The following FAM240C variants were observed in gnomAD, a reference collection of about 807,000 sequenced individuals.
FAM240C encodes protein FAM240C.
In FAM240C, 14 loss-of-function variants were observed where a neutral mutation model predicts 10.0. The observed-to-expected ratio is 1.40, with a 90% confidence interval of 0.92 to 2.19. The LOEUF is 2.19. FAM240C is among the 30% of genes most tolerant of loss of function. The pLI is 0.00. For missense variants in FAM240C, 154 were observed against 122.3 expected (o/e 1.26, Z -1.22); for synonymous variants, 49 against 44.3 (o/e 1.11, Z -0.42).
chr2:241,901,301 C>G (rs929568662), upstream of FAM240C, among the ~76,000 whole-genome samples: 3 of 152,172 alleles, frequency 2.0e-5, no homozygotes, highest in African/African-American at 7.2e-5. The surrounding 1 kb of genome is among the most constrained non-coding windows in gnomAD (Gnocchi z 4.9). Context: ...CCTCAGGGAG[C>G]CGGCAGCAGG....
At position 241,896,432 on chromosome 2, in the gene FAM240C, C is replaced by T. The variant is rs530776234; in HGVS notation, c.161+754G>A. On this transcript the variant is annotated intron_variant, in intron 2 of 2. Coordinates refer to ENST00000404031, the MANE Select transcript of FAM240C (RefSeq NM_001382368.1). ...AAAAACAAGCCAGAGAAAGACATTT[C>T]CTCCTGGAAAAGTTCCTGTGATCCT... Among the ~76,000 whole-genome samples, 13 of 149,638 alleles carry T rather than the reference C, an allele frequency of 8.7e-5. No individual in the cohort carries two copies. The South Asian group carries it at 2.6e-3, about 30-fold the overall frequency.
At chr2:241,899,220 G>C in intron 1 of FAM240C, 1 of 1,303,766 alleles carries the variant, frequency 7.7e-7, no homozygotes, top group Non-Finnish European at 1.0e-6. Context: ...CCCTGGCTGG[G>C]GGCTTCCAGC....
At chr2:241,894,805 C>T (rs1172181633) in intron 2 of FAM240C, among the ~76,000 whole-genome samples, 1 of 152,222 alleles carries the variant, frequency 6.6e-6, no homozygotes, top group Non-Finnish European at 1.5e-5. Context: ...TCCCTGCACC[C>T]TGCCCGGCTG....
intron 2 of FAM240C, among the ~76,000 whole-genome samples, chr2:241,895,477 A>G (rs529747645): frequency 6.6e-6 from 1 of 152,334 alleles, no homozygotes; most frequent in Admixed American, 6.5e-5. Context: ...CACATGGGCC[A>G]GCTCCTCTCT....
chr2:241,897,432 C>T, intron 1 of FAM240C, 98 bp from the exon 2 acceptor site: 1 of 1,408,776 alleles, frequency 7.1e-7, no homozygotes, highest in Non-Finnish European at 9.6e-7. Context: ...GCTGGCTCAG[C>T]CTGCAGCATC....
intron 2 of FAM240C, among the ~76,000 whole-genome samples, chr2:241,896,503 G>GGGGTGTGGGTGTTGGGGTGTGGGTGAA (rs1553629152): frequency 3.5e-5 from 1 of 28,582 alleles, no homozygotes; most frequent in African/African-American, 1.5e-4. Flanking sequence ...TGTGGGTGAA[G>GGGGTGTGGGTGTTGGGGTGTGGGTGAA]GGGGTGTGGG....
intron 1 of FAM240C, among the ~76,000 whole-genome samples, chr2:241,897,973 A>G (rs1032630122): frequency 1.3e-5 from 2 of 152,118 alleles, no homozygotes; most frequent in Admixed American, 1.3e-4. Context: ...GGGCTCAAGC[A>G]GTCTTCCTGG....
At position 241,897,295 on chromosome 2, in the gene FAM240C, C is replaced by G; in HGVS notation, c.52G>C (p.Val18Leu). 1.3e-6 allele frequency: 2 copies of G among 1,549,812 alleles called. No individual in the cohort carries two copies. The highest frequency in any genetic ancestry group is 1.7e-6 in the Non-Finnish European group (2 of 1,146,508). The stretch of plus-strand genomic sequence containing the variant: ...TTTATCCCGCCTGAATCGTATGCTA[C>G]TCTTCCAGGATTCTTAAGAGTGAGG... ...KSLTLKNPGR[V>L]AYDSGGIKMF... is the part of the protein sequence containing the mutation. The change falls in exon 2 of 3, where the codon GTA becomes CTA. Residue 18 changes from valine to leucine, a missense_variant. Val to Leu is a conservative substitution (Grantham distance 32, BLOSUM62 1). Transcript: ENST00000404031.
intron 2 of FAM240C, 49 bp from the exon 3 acceptor site, chr2:241,894,388 T>G (rs1701736394): frequency 1.3e-6 from 2 of 1,512,176 alleles, no homozygotes; most frequent in African/African-American, 1.4e-5. Context: ...TCTCGGAACT[T>G]AGTGACGGCC....
chr2:241,897,380 C>T (rs1701877182), intron 1 of FAM240C, 46 bp from the exon 2 acceptor site: 6 of 1,534,782 alleles, frequency 3.9e-6, no homozygotes, highest in Non-Finnish European at 4.4e-6. Context: ...TTATGCCATT[C>T]CCATTGACGA....
intron 2 of FAM240C, among the ~76,000 whole-genome samples, chr2:241,896,870 G>T (rs80144387): frequency 0.1 from 12,810 of 122,122 alleles, 1,809 homozygotes; most frequent in African/African-American, 0.28. Context: ...TGTGGGGGTG[G>T]GGGTGAATTG....
intron 2 of FAM240C, among the ~76,000 whole-genome samples, 172 bp from the exon 3 acceptor site, chr2:241,894,511 G>A (rs1053945026): frequency 6.8e-6 from 1 of 147,120 alleles, no homozygotes; most frequent in Non-Finnish European, 1.5e-5. Context: ...GACCTTGCTG[G>A]GTCTCCCAGG....
intron 1 of FAM240C, chr2:241,899,210 C>A (rs1456439738): frequency 1.5e-6 from 2 of 1,303,932 alleles, no homozygotes; most frequent in African/African-American, 3.0e-5. Context: ...TTGATGTGAC[C>A]CCTGGCTGGG....
At chr2:241,899,959 C>G (rs543168732) in intron 1 of FAM240C, among the ~76,000 whole-genome samples, 2 of 151,974 alleles carry the variant, frequency 1.3e-5, no homozygotes, top group South Asian at 2.1e-4. Flanking sequence ...CCCAGCTACT[C>G]GGAAGGCTAA....
chr2:241,900,028 C>T lies in FAM240C; in HGVS notation c.12+330G>A, dbSNP rs1175866314. ...GTTGCAGTGAGCCGCGATCATGCCA[C>T]TGCACTCCAGCCTGGGCGACAGAGC... On this transcript the variant is annotated intron_variant, in intron 1 of 2. Transcript: ENST00000404031. This position sits in a 1 kb window ranked among gnomAD's most constrained non-coding sequence, Gnocchi z 4.5. 2.0e-5 allele frequency among the ~76,000 whole-genome samples: 3 copies of T among 152,296 alleles called. No individual in the cohort carries two copies. Among genetic ancestry groups the T allele is most frequent in the African/African-American group, 7.2e-5 (3 of 41,566 alleles).
chr2:241,896,671 TGGGGTGTGGGTGAA>T (rs1701823091), intron 2 of FAM240C, among the ~76,000 whole-genome samples: 9 of 9,642 alleles, frequency 9.3e-4, no homozygotes, highest in African/African-American at 1.9e-3. Context: ...GTGTGGGTGT[TGGGGTGTGGGTGAA>T]GGGGTGTGGG....
In FAM240C at chr2:241,898,017, G is replaced by T. The variant is rs540225447; in HGVS notation, c.13-683C>A. 1.1e-4 allele frequency among the ~76,000 whole-genome samples: 16 copies of T among 152,282 alleles called. No individual in the cohort carries two copies. The South Asian group carries it at 3.3e-3, about 32-fold the overall frequency. ...CCCAAAGTGCTGGGACTACAGGTGT[G>T]AGCCAGCGTGCCCAGCTCAGTTGGC... On this transcript the variant is annotated intron_variant, in intron 1 of 2. Transcript: ENST00000404031.
intron 1 of FAM240C, 103 bp from the exon 2 acceptor site, chr2:241,897,437 A>AGCATCGTGGTCCCCGCCTTCC: frequency 7.3e-7 from 1 of 1,371,318 alleles, no homozygotes; most frequent in Non-Finnish European, 9.9e-7. Flanking sequence ...CTCAGCCTGC[A>AGCATCGTGGTCCCCGCCTTCC]GCATCGTGGT....
Position 241,897,145 on chromosome 2 carries a change from C to G in FAM240C, c.161+41G>C, listed in dbSNP as rs76746237. 1,044 of 1,540,594 alleles carry G rather than the reference C, an allele frequency of 6.8e-4. 7 individuals carry two copies. The African/African-American group carries it at 0.013, about 19-fold the overall frequency. ...GTGCCCCTGGGTGGCGAGCGTGGCT[C>G]AGGCATAGGGGTCCCCGATGCACTG... On this transcript the variant is annotated intron_variant, in intron 2 of 2. Transcript: ENST00000404031.
Sources: allele counts gnomAD v4.1 joint callset (sites outside exome capture counted in the v4.1 genomes callset), GRCh38; gene constraint gnomAD v4.1.1; non-coding constraint Gnocchi (gnomAD v3.1); transcripts MANE v1.5; gene names NCBI Gene and HGNC (gene_info 2026-07-23, HGNC 2026-07-21).